Variants in PACRGL observed in about 807,000 individuals in gnomAD.
The protein encoded by PACRGL is PACRG-like protein.
PACRGL carries 38 observed loss-of-function variants against 34.5 expected under a neutral mutation model. That is an observed-to-expected ratio of 1.10 (90% CI 0.85 to 1.44). The LOEUF (loss-of-function observed/expected upper bound fraction) is 1.44, where lower values mean the gene tolerates loss of function less well. PACRGL is among the 40% of genes most tolerant of loss of function. The pLI, the probability that PACRGL is intolerant of heterozygous loss-of-function variation, is 0.00. For synonymous variants in PACRGL, 128 were observed against 100.1 expected (o/e 1.28, Z -1.66); for missense variants, 305 against 281.4 (o/e 1.08, Z -0.60).
At chr4:20,764,302 T>C in the PACRGL span, among the ~76,000 whole-genome samples, 7 of 152,284 alleles carry the variant, frequency 4.6e-5, no homozygotes. Flanking sequence ...GACAAAATTA[T>C]AGCATTTTAT....
rs112167886 is a variant in PACRGL at position 20,705,024 on chromosome 4, GT to G, written c.207+213del. ...GGTAAGGAGACATAGAAGTTAACCT[GT>G]TTGGGATATCGCATTGTAGTGCATA... On this transcript the variant is annotated intron_variant, in intron 3 of 8. Coordinates refer to ENST00000503585, the MANE Select transcript of PACRGL (RefSeq NM_001258345.3). Among the ~76,000 whole-genome samples the G allele has an allele frequency of 3.9e-3, 595 of 152,292 alleles. 4 individuals are homozygous for G. The highest frequency in any genetic ancestry group is 0.013 in the African/African-American group (524 of 41,560).
At chr4:20,718,754 T>C (rs1158630806) in intron 7 of PACRGL, 3 of 152,252 alleles carry the variant, frequency 2.0e-5, no homozygotes, top group African/African-American at 7.2e-5. Context: ...TTGAGGATTT[T>C]TGCATTGATG....
At chr4:20,720,151 T>C (rs770052540) in intron 7 of PACRGL, among the ~76,000 whole-genome samples, 1 of 152,152 alleles carries the variant, frequency 6.6e-6, no homozygotes, top group Non-Finnish European at 1.5e-5. Context: ...GGATTGCAAC[T>C]TCTGCCTTTT....
At chr4:20,723,318 G>A (rs1744222507) in intron 7 of PACRGL, among the ~76,000 whole-genome samples, 1 of 152,120 alleles carries the variant, frequency 6.6e-6, no homozygotes, top group Non-Finnish European at 1.5e-5. Context: ...CTTGCACTCT[G>A]CCCTCCTGTT....
the PACRGL span, among the ~76,000 whole-genome samples, chr4:20,760,371 C>T: frequency 6.6e-6 from 1 of 152,172 alleles, no homozygotes; most frequent in African/African-American, 2.4e-5. Flanking sequence ...GCATCTTTAT[C>T]AATCACCTAT....
chr4:20,701,622 T>C (rs896452729), intron 1 of PACRGL: 2 of 288,846 alleles, frequency 6.9e-6, no homozygotes, highest in Admixed American at 4.2e-5. Flanking sequence ...AAAGCTTGCT[T>C]TCACAAACAA....
downstream of PACRGL, among the ~76,000 whole-genome samples, chr4:20,753,436 A>G (rs773390422): frequency 6.6e-6 from 1 of 152,184 alleles, no homozygotes; most frequent in Admixed American, 6.5e-5. Flanking sequence ...ACTTAGTCCA[A>G]AGTTCTTAAC....
At position 20,729,404 on chromosome 4, in the gene PACRGL, T is replaced by A. The variant is rs369929609; in HGVS notation, c.*2063T>A. On this transcript the variant is annotated 3_prime_UTR_variant, in exon 9 of 9. Transcript: ENST00000503585. ...TATTATATAGGCCTTGGCTGTAACA[T>A]ATTATGGAAAATTAAATGCTTATTA... 3 of 152,400 alleles carry A rather than the reference T, an allele frequency of 2.0e-5. No individual in the cohort carries two copies. The highest frequency in any genetic ancestry group is 4.4e-5 in the Non-Finnish European group (3 of 67,986). The allele number at this position is 152,400 out of a possible 1,614,324, so 9.4% of individuals were successfully genotyped here.
rs552917755 is a variant in PACRGL at position 20,743,590 on chromosome 4, C to T, written c.*57-8975C>T. Among the ~76,000 whole-genome samples, 763 of 152,238 alleles carry T rather than the reference C, an allele frequency of 5.0e-3. 6 individuals carry two copies. Among genetic ancestry groups the T allele is most frequent in the African/African-American group, 0.017 (699 of 41,550 alleles). On this transcript the variant is annotated intron_variant, in intron 8 of 8. Transcript: ENST00000507634. ...ATATGTAGAAAGCTGAAACTGGATC[C>T]CTTCCTTACACTTTATACAAAAATT...
At chr4:20,763,533 C>T in the PACRGL span, among the ~76,000 whole-genome samples, 1 of 152,088 alleles carries the variant, frequency 6.6e-6, no homozygotes, top group Non-Finnish European at 1.5e-5. Context: ...TTTCTATTCT[C>T]ATTTTTTTTG....
At chr4:20,764,412 T>C in the PACRGL span, among the ~76,000 whole-genome samples, 3 of 152,092 alleles carry the variant, frequency 2.0e-5, no homozygotes, top group Non-Finnish European at 4.4e-5. Context: ...TGTTGCATAT[T>C]GAGGCGATTT....
chr4:20,736,276 T>C (rs974603289), downstream of PACRGL, among the ~76,000 whole-genome samples: 2 of 152,212 alleles, frequency 1.3e-5, no homozygotes, highest in African/African-American at 4.8e-5. Flanking sequence ...GGGAAACAAT[T>C]TGAGTTTCCA....
intron 3 of PACRGL, 81 bp from the exon 4 acceptor site, chr4:20,707,722 G>T: frequency 1.8e-6 from 2 of 1,117,438 alleles, no homozygotes; most frequent in Non-Finnish European, 2.7e-6. Context: ...ATACCAGCTT[G>T]GCGGTTTGAA....
In PACRGL at chr4:20,728,370, G is replaced by A. The variant is rs568103157; in HGVS notation, c.*1029G>A. 4.0e-5 allele frequency: 6 copies of A among 151,792 alleles called. No individual in the cohort carries two copies. The South Asian group carries it at 1.0e-3, about 26-fold the overall frequency. The allele number at this position is 151,792 out of a possible 1,614,324, so 9.4% of individuals were successfully genotyped here. On this transcript the variant is annotated 3_prime_UTR_variant, in exon 9 of 9. Coordinates refer to ENST00000503585, the MANE Select transcript of PACRGL (RefSeq NM_001258345.3). ...ACTTGTACATGCATTCATTGATTTT[G>A]TTGTGCTTATGTTTAGCAATTTTTA...
At chr4:20,736,473 C>G (rs1328708111), downstream of PACRGL, among the ~76,000 whole-genome samples, 3 of 151,704 alleles carry the variant, frequency 2.0e-5, no homozygotes, top group African/African-American at 7.3e-5. Context: ...AATTTTATAC[C>G]CTGTCAATTT....
intron 7 of PACRGL, among the ~76,000 whole-genome samples, chr4:20,717,963 A>G (rs28846156): frequency 0.32 from 49,299 of 152,046 alleles, 8,473 homozygotes; most frequent in African/African-American, 0.43. Flanking sequence ...CTTCCTATCC[A>G]TGAGTATGGA....
chr4:20,758,145 A>G, the PACRGL span, among the ~76,000 whole-genome samples: 1 of 152,182 alleles, frequency 6.6e-6, no homozygotes, highest in South Asian at 2.1e-4. Flanking sequence ...TCTGTTAGGT[A>G]ATTGAAAGAA....
At chr4:20,758,921 C>T in the PACRGL span, 10 of 1,583,170 alleles carry the variant, frequency 6.3e-6, no homozygotes, top group East Asian at 9.0e-5. Context: ...GCAATATGAG[C>T]AAAGTGTTCA....
downstream of PACRGL, among the ~76,000 whole-genome samples, chr4:20,754,876 A>G (rs935024111): frequency 7.2e-5 from 11 of 152,158 alleles, no homozygotes; most frequent in South Asian, 2.3e-3. Context: ...TTGAAAAATA[A>G]CTTAAAGATT....
Sources: allele counts gnomAD v4.1 joint callset (sites outside exome capture counted in the v4.1 genomes callset), GRCh38; gene constraint gnomAD v4.1.1; transcripts MANE v1.5; gene names NCBI Gene and HGNC (gene_info 2026-07-23, HGNC 2026-07-21).